Variants in TIA1 observed in about 807,000 individuals in gnomAD.
TIA1 encodes the protein TIA1 cytotoxic granule associated RNA binding protein, also known as cytotoxic granule associated RNA binding protein TIA1.
TIA1 carries 23 observed loss-of-function variants against 65.9 expected under a neutral mutation model. That is an observed-to-expected ratio of 0.35 (90% confidence interval 0.25 to 0.49). TIA1 has a LOEUF of 0.49. Ranked by LOEUF, TIA1 falls within the 20% of genes least tolerant of loss-of-function variation. The pLI is 0.98. For synonymous variants in TIA1, 147 were observed against 149.4 expected, an observed-to-expected ratio of 0.98 and a Z score of 0.12; for missense variants, 371 against 477.9, an observed-to-expected ratio of 0.78 and a Z score of 2.09.
At chr2:70,222,322 G>T (rs558713022) in intron 7 of TIA1, among the ~76,000 whole-genome samples, 1 of 152,266 alleles carries the variant, frequency 6.6e-6, no homozygotes, top group South Asian at 2.1e-4. Flanking sequence ...GTTGAAAGAT[G>T]AGAAACACAT....
chr2:70,227,862 A>C (rs1165473569), intron 5 of TIA1, 40 bp from the exon 6 acceptor site: 1 of 1,387,994 alleles, frequency 7.2e-7, no homozygotes, highest in Admixed American at 1.9e-5. Context: ...AGAAAAATAG[A>C]ACTTTAGAAT....
chr2:70,233,946 A>G (rs1364775969), intron 2 of TIA1, among the ~76,000 whole-genome samples: 1 of 152,214 alleles, frequency 6.6e-6, no homozygotes, highest in East Asian at 1.9e-4. Context: ...GAATGTGAAC[A>G]GACTGGAATT....
intron 7 of TIA1, among the ~76,000 whole-genome samples, chr2:70,223,748 A>T (rs1393690639): frequency 6.6e-6 from 1 of 151,870 alleles, no homozygotes; most frequent in African/African-American, 2.4e-5. Context: ...AAAAAATTAA[A>T]AAAAAAGTAA....
intron 2 of TIA1, among the ~76,000 whole-genome samples, chr2:70,233,997 A>G (rs1687685052): frequency 1.3e-5 from 2 of 152,226 alleles, no homozygotes; most frequent in South Asian, 4.1e-4. Flanking sequence ...GAGCGATCAG[A>G]ATCCACAAAT....
intron 3 of TIA1, among the ~76,000 whole-genome samples, chr2:70,229,676 C>T (rs900146850): frequency 5.3e-5 from 8 of 152,098 alleles, no homozygotes; most frequent in Admixed American, 2.0e-4. Context: ...TGCTGGCTGA[C>T]GTCTGTAATC....
chr2:70,242,089 C>G lies in TIA1; in HGVS notation c.27-5914G>C, dbSNP rs538845041. On this transcript the variant is annotated intron_variant, in intron 1 of 12. Coordinates refer to ENST00000433529, the MANE Select transcript of TIA1 (RefSeq NM_022173.4). ...TTTCTTAATTTTGATAATTATACCA[C>G]GGTTATATAAGATGGTAACATTAAG... is the stretch of plus-strand genomic sequence containing the variant. Among the ~76,000 whole-genome samples the G allele has an allele frequency of 2.0e-5, 3 of 152,066 alleles. No homozygotes were observed. In the South Asian group the frequency reaches 6.2e-4, roughly 32 times the overall value.
At chr2:70,242,902 T>TTCCA (rs1692546985) in intron 1 of TIA1, among the ~76,000 whole-genome samples, 1 of 152,112 alleles carries the variant, frequency 6.6e-6, no homozygotes, top group Non-Finnish European at 1.5e-5. Context: ...AAAAATTGTC[T>TTCCA]TCCACAAAAC....
chr2:70,237,621 T>A (rs930751313), intron 1 of TIA1, among the ~76,000 whole-genome samples: 2 of 152,246 alleles, frequency 1.3e-5, no homozygotes, highest in African/African-American at 4.8e-5. Flanking sequence ...TCCCAGCACT[T>A]TGGGAGGCTG....
At chr2:70,220,251 T>A (rs529268122) in intron 7 of TIA1, among the ~76,000 whole-genome samples, 6 of 151,672 alleles carry the variant, frequency 4.0e-5, no homozygotes, top group African/African-American at 1.2e-4. Flanking sequence ...CTACAAAAAA[T>A]AGAAAAATTA....
chr2:70,229,120 A>G, intron 4 of TIA1, 29 bp from the exon 5 acceptor site: 1 of 1,613,382 alleles, frequency 6.2e-7, no homozygotes, highest in East Asian at 2.2e-5. Context: ...TTTGTTCTTA[A>G]ATTTATTAAC....
chr2:70,232,805 G>A (rs966246917), intron 2 of TIA1, among the ~76,000 whole-genome samples: 2 of 151,894 alleles, frequency 1.3e-5, no homozygotes, highest in African/African-American at 4.8e-5. Flanking sequence ...GGAGGGGGAC[G>A]TTGCAGTGAG....
intron 5 of TIA1, 166 bp from the exon 6 acceptor site, chr2:70,227,988 G>T: frequency 1.1e-3 from 412 of 377,412 alleles, no homozygotes; most frequent in Middle Eastern, 4.4e-3. Flanking sequence ...TTTAAACAAT[G>T]AATCAAGGTA....
intron 1 of TIA1, among the ~76,000 whole-genome samples, chr2:70,240,232 T>C (rs778887101): frequency 8.5e-5 from 13 of 152,316 alleles, no homozygotes; most frequent in Non-Finnish European, 1.8e-4. Context: ...TGCATATATA[T>C]AATATGAATT....
intron 5 of TIA1, chr2:70,228,360 T>C (rs1684687697): frequency 2.3e-6 from 3 of 1,287,456 alleles, no homozygotes; most frequent in African/African-American, 1.5e-5. Context: ...TTGCAACAGT[T>C]TGATGTTAAA....
At chr2:70,225,878 T>TA (rs1683561982) in intron 6 of TIA1, among the ~76,000 whole-genome samples, 3 of 152,166 alleles carry the variant, frequency 2.0e-5, no homozygotes, top group Admixed American at 2.0e-4. Flanking sequence ...GAAAATACCA[T>TA]ATTTTTTATA....
At position 70,224,603 on chromosome 2, in the gene TIA1, G is replaced by A. The variant is rs372738231; in HGVS notation, c.425C>T (p.Ala142Val). 2.5e-6 allele frequency: 4 copies of A among 1,613,750 alleles called. No homozygotes were observed. In the African/African-American group the frequency reaches 5.3e-5, roughly 22 times the overall value. ...ISDARVVKDMATGKSKGYGFV... is the reference protein window; with the variant it reads ...ISDARVVKDMVTGKSKGYGFV... ...GCCATATCCCTTAGACTTTCCTGTT[G>A]CCATGTCTTTTACCACTCGGGCATC... is the stretch of plus-strand genomic sequence containing the variant. The change falls in exon 7 of 13, where the codon GCA (alanine) becomes GTA (valine). Residue 142 changes from alanine (A) to valine (V), a missense_variant. Ala to Val is a moderately conservative substitution (Grantham distance 64). Coordinates refer to ENST00000433529, the MANE Select transcript of TIA1 (RefSeq NM_022173.4).
At chr2:70,215,327 T>C in intron 11 of TIA1, 44 bp downstream of exon 11, 1 of 1,609,888 alleles carries the variant, frequency 6.2e-7, no homozygotes, top group South Asian at 1.1e-5. Flanking sequence ...TAAAATAACA[T>C]TATTAGCCCA....
rs1042399061 is a variant in TIA1, at chr2:70,209,531, A to C, written c.*3188T>G. ...TGTACATTCAAATTCTAAACACAAC[A>C]GTCAAAATGCAGTGACTGTAATGAA... On this transcript the variant is annotated 3_prime_UTR_variant, in exon 13 of 13. Coordinates refer to ENST00000433529, the MANE Select transcript of TIA1 (RefSeq NM_022173.4). 1.5e-4 allele frequency: 60 copies of C among 398,170 alleles called. No homozygotes were observed. The highest frequency in any genetic ancestry group is 1.3e-3 in the Admixed American group (29 of 22,710). The allele number at this position is 398,170 out of a possible 1,614,324, so 24.7% of individuals were successfully genotyped here. A position where few individuals can be genotyped will look rare whatever the true frequency, so the allele number is the denominator to read the frequency against.
intron 4 of TIA1, 79 bp downstream of exon 4, chr2:70,229,185 G>T: frequency 6.3e-7 from 1 of 1,582,572 alleles, no homozygotes; most frequent in Non-Finnish European, 8.7e-7. Flanking sequence ...CTGCAAACAT[G>T]TATGATGTTT....
Sources: allele counts gnomAD v4.1 joint callset (sites outside exome capture counted in the v4.1 genomes callset), GRCh38; gene constraint gnomAD v4.1.1; transcripts MANE v1.5; gene names NCBI Gene and HGNC (gene_info 2026-07-23, HGNC 2026-07-21).